TCAF1: variants seen among roughly 807,000 people sequenced by gnomAD.
TCAF1 encodes TRPM8 channel associated factor 1, also known as TRPM8 channel-associated factor 1.
In TCAF1, 4 loss-of-function variants were observed where a neutral mutation model predicts 27.3. The observed-to-expected ratio is 0.15, with a 90% confidence interval of 0.07 to 0.34. The LOEUF (loss-of-function observed/expected upper bound fraction) is 0.34. TCAF1 is among the 10% of genes least tolerant of loss of function. The pLI is 1.00. For synonymous variants in TCAF1, 105 were observed against 167.1 expected, an observed-to-expected ratio of 0.63 and a Z score of 2.87; for missense variants, 257 against 425.8, an observed-to-expected ratio of 0.60 and a Z score of 3.49.
At chr7:143,884,562 C>A (rs926159585) in intron 1 of TCAF1, among the ~76,000 whole-genome samples, 16 of 152,256 alleles carry the variant, frequency 1.1e-4, no homozygotes, top group African/African-American at 3.8e-4. Flanking sequence ...CAAGTTAAAA[C>A]CCTGTAATAC....
intron 1 of TCAF1, among the ~76,000 whole-genome samples, chr7:143,876,893 T>C (rs1478884186): frequency 6.6e-6 from 1 of 152,150 alleles, no homozygotes; most frequent in East Asian, 1.9e-4. Context: ...GAGCAAGGAA[T>C]TGTGTCCCCC....
chr7:143,869,038 C>G (rs1369991318), intron 2 of TCAF1, among the ~76,000 whole-genome samples: 1 of 43,268 alleles, frequency 2.3e-5, no homozygotes, highest in Admixed American at 4.0e-4. Flanking sequence ...CAGTCTCACT[C>G]TGTTGCCCAG....
At chr7:143,880,927 C>T (rs1456852265) in intron 1 of TCAF1, among the ~76,000 whole-genome samples, 1 of 152,200 alleles carries the variant, frequency 6.6e-6, no homozygotes, top group Non-Finnish European at 1.5e-5. Context: ...ATTTCTCTCC[C>T]TAACCCCTCC....
intron 1 of TCAF1, chr7:143,882,149 G>C (rs1279356334): frequency 6.6e-6 from 1 of 152,428 alleles, no homozygotes; most frequent in East Asian, 1.9e-4. Flanking sequence ...GCTGGGGAGT[G>C]GGGGGCAGCC....
At chr7:143,857,634 C>T (rs1194780325) in intron 7 of TCAF1, among the ~76,000 whole-genome samples, 2 of 152,160 alleles carry the variant, frequency 1.3e-5, no homozygotes, top group African/African-American at 4.8e-5. Flanking sequence ...TATTTTCTAC[C>T]AGTATCATTA....
In TCAF1 at chr7:143,901,090, C is replaced by T. The variant is rs148619645; in HGVS notation, c.-15+871G>A. ...CTCATGGGCTTCTAAGGTACTGTGA[C>T]GCCCTATTTCTTGACCCAAGGAGAT... On this transcript the variant is annotated intron_variant, in intron 1 of 8. Transcript: ENST00000479870. Among the ~76,000 whole-genome samples, 20 of 152,266 alleles carry T rather than the reference C, an allele frequency of 1.3e-4. No individual in the cohort carries two copies. In the East Asian group the frequency reaches 3.7e-3, roughly 28 times the overall value.
At chr7:143,888,118 A>C (rs1813498005) in intron 1 of TCAF1, among the ~76,000 whole-genome samples, 1 of 152,230 alleles carries the variant, frequency 6.6e-6, no homozygotes, top group Non-Finnish European at 1.5e-5. Context: ...TAAGGTGTTA[A>C]AAATAATGTT....
In TCAF1 at chr7:143,877,311, C is replaced by T. The variant is rs146071111; in HGVS notation, c.-14-689G>A. Among the ~76,000 whole-genome samples, 274 of 152,238 alleles carry T rather than the reference C, an allele frequency of 1.8e-3. 1 individual carries two copies. Among genetic ancestry groups the T allele is most frequent in the African/African-American group, 6.3e-3 (263 of 41,532 alleles). ...GCTGCTGGGAATTCATACAGTGGTG[C>T]GGCATGTTGTGCTCCCAGCCCATTC... On this transcript the variant is annotated intron_variant, in intron 1 of 8. Coordinates refer to ENST00000479870, the MANE Select transcript of TCAF1 (RefSeq NM_014719.3).
In TCAF1 at chr7:143,851,514, G is replaced by C. The variant is rs1182762956; in HGVS notation, c.*2619C>G. 1 of 152,276 alleles carries C rather than the reference G, an allele frequency of 6.6e-6. No individual in the cohort carries two copies. The highest frequency in any genetic ancestry group is 1.5e-5 in the Non-Finnish European group (1 of 68,058). 9.4% of individuals were successfully genotyped at this position (152,276 alleles called of 1,614,324 possible). A position where few individuals can be genotyped will look rare whatever the true frequency, so the allele number is the denominator to read the frequency against. ...TTTTAAATCTAAATCCCATTCCCTA[G>C]AGGTAATGCTTTTAACAATATTTAT... On this transcript the variant is annotated 3_prime_UTR_variant, in exon 9 of 9. Transcript: ENST00000479870.
At position 143,899,450 on chromosome 7, in the gene TCAF1, C is replaced by G. The variant is rs143292357; in HGVS notation, c.-15+2511G>C. On this transcript the variant is annotated intron_variant, in intron 1 of 8. Coordinates refer to ENST00000479870, the MANE Select transcript of TCAF1 (RefSeq NM_014719.3). ...ATGCAAATCACTGGTGCTGGGGCAACAGATTATCCATATGGAATAAACAAC... is the reference window on the plus strand; with the variant it reads ...ATGCAAATCACTGGTGCTGGGGCAAGAGATTATCCATATGGAATAAACAAC... Among the ~76,000 whole-genome samples the G allele has an allele frequency of 2.5e-4, 38 of 152,286 alleles. No homozygotes were observed. In the East Asian group the frequency reaches 6.9e-3, roughly 28 times the overall value.
At chr7:143,901,640 C>T (rs1814116031) in intron 1 of TCAF1, among the ~76,000 whole-genome samples, 3 of 152,198 alleles carry the variant, frequency 2.0e-5, no homozygotes, top group South Asian at 4.1e-4. Flanking sequence ...GAATGCAAGC[C>T]CCCAGCTGGC....
chr7:143,879,548 C>A (rs983741600), intron 1 of TCAF1, among the ~76,000 whole-genome samples: 2 of 152,142 alleles, frequency 1.3e-5, no homozygotes, highest in African/African-American at 4.8e-5. Context: ...TATCTTTAGA[C>A]CCAACAACCT....
rs1811320359 is a variant in TCAF1, at chr7:143,851,981, T to C, written c.*2152A>G. ...GGCTGATCTGAACATTGAATACTAA[T>C]AAATGATATCCACATTATTTTGGCT... On this transcript the variant is annotated 3_prime_UTR_variant, in exon 9 of 9. Coordinates refer to ENST00000479870, the MANE Select transcript of TCAF1 (RefSeq NM_014719.3). 1 of 152,258 alleles carries C rather than the reference T, an allele frequency of 6.6e-6. No homozygotes were observed. Among genetic ancestry groups the C allele is most frequent in the South Asian group, 2.1e-4 (1 of 4,836 alleles). 9.4% of individuals were successfully genotyped at this position (152,258 alleles called of 1,614,324 possible).
intron 2 of TCAF1, among the ~76,000 whole-genome samples, chr7:143,875,224 C>T (rs772014709): frequency 6.6e-6 from 1 of 152,128 alleles, no homozygotes; most frequent in Non-Finnish European, 1.5e-5. Flanking sequence ...TAGAGAGTGG[C>T]CTAATGTACT....
At chr7:143,896,388 A>C (rs1051495244) in intron 1 of TCAF1, among the ~76,000 whole-genome samples, 3 of 152,062 alleles carry the variant, frequency 2.0e-5, no homozygotes, top group South Asian at 4.1e-4. Flanking sequence ...ATCCACCATC[A>C]TGGTGAGAAT....
At chr7:143,875,647 C>T (rs1449900064) in intron 2 of TCAF1, among the ~76,000 whole-genome samples, 1 of 152,186 alleles carries the variant, frequency 6.6e-6, no homozygotes, top group African/African-American at 2.4e-5. Context: ...TCCTTTTCTT[C>T]ACATTCCTGT....
At position 143,876,632 on chromosome 7, in the gene TCAF1, A is replaced by C. The variant is rs1812734621; in HGVS notation, c.-14-10T>G. ...ATGGCTCTATTGGTTTCTGCAGAGAAGAAAGCAAAGGCTCAGCTTAGCGAA... is the reference window on the plus strand; with the variant it reads ...ATGGCTCTATTGGTTTCTGCAGAGACGAAAGCAAAGGCTCAGCTTAGCGAA... On this transcript the variant is annotated splice_polypyrimidine_tract_variant and intron_variant, in intron 1 of 8. Transcript: ENST00000479870. 3 of 1,481,560 alleles carry C rather than the reference A, an allele frequency of 2.0e-6. No individual in the cohort carries two copies. The highest frequency in any genetic ancestry group is 4.7e-5 in the Admixed American group (2 of 42,454). The allele number at this position is 1,481,560 out of a possible 1,614,324, so 91.8% of individuals were successfully genotyped here. A position where few individuals can be genotyped will look rare whatever the true frequency, so the allele number is the denominator to read the frequency against.
chr7:143,851,674 C>G lies in TCAF1; in HGVS notation c.*2459G>C, dbSNP rs1308414999. Reference sequence around the variant, plus strand: ...ATTTAACTTACACTATCGCCACTTTCCTTTGTCCATCTCTCTCCAAATGTC... The same window carrying G: ...ATTTAACTTACACTATCGCCACTTTGCTTTGTCCATCTCTCTCCAAATGTC... On this transcript the variant is annotated 3_prime_UTR_variant, in exon 9 of 9. Transcript: ENST00000479870. 1 of 152,146 alleles carries G rather than the reference C, an allele frequency of 6.6e-6. No homozygotes were observed. Among genetic ancestry groups the G allele is most frequent in the Non-Finnish European group, 1.5e-5 (1 of 68,030 alleles). 9.4% of individuals were successfully genotyped at this position (152,146 alleles called of 1,614,324 possible).
At chr7:143,859,626 A>G (rs1384186973) in intron 6 of TCAF1, among the ~76,000 whole-genome samples, 3 of 137,630 alleles carry the variant, frequency 2.2e-5, no homozygotes, top group Admixed American at 8.3e-5. Flanking sequence ...AGAAATTCCC[A>G]TGGTTCTTTA....
Sources: gnomAD v4.1 joint callset for allele counts (sites outside exome capture counted in the v4.1 genomes callset) on GRCh38, gnomAD v4.1.1 for gene constraint, MANE v1.5 for transcripts, NCBI Gene and HGNC (gene_info 2026-07-23, HGNC 2026-07-21) for gene names.